Variants in NUCB2 observed in about 807,000 individuals in gnomAD.
The protein encoded by NUCB2 is nucleobindin-2.
In NUCB2, 48 loss-of-function variants were observed where a neutral mutation model predicts 57.9. The ratio of observed to expected loss-of-function variants is 0.83; its 90% CI spans 0.66 to 1.05. The LOEUF (loss-of-function observed/expected upper bound fraction) is 1.05. NUCB2 is among the 50% of genes least tolerant of loss of function. The pLI is 0.00. For synonymous variants in NUCB2, 139 were observed against 152.1 expected, an observed-to-expected ratio of 0.91 and a Z score of 0.64; for missense variants, 442 against 476.2, an observed-to-expected ratio of 0.93 and a Z score of 0.67.
At chr11:17,288,658 C>T (rs1165313867) in intron 2 of NUCB2, among the ~76,000 whole-genome samples, 1 of 148,206 alleles carries the variant, frequency 6.7e-6, no homozygotes, top group Non-Finnish European at 1.5e-5. Flanking sequence ...AGGTTCAAGC[C>T]ATTCTCCTGC....
intron 2 of NUCB2, among the ~76,000 whole-genome samples, chr11:17,290,458 CAGCACTTTG>C (rs1294097615): frequency 6.6e-6 from 1 of 152,042 alleles, no homozygotes; most frequent in Non-Finnish European, 1.5e-5. Flanking sequence ...CCTCTAATCC[CAGCACTTTG>C]GGAGGCTGAG....
chr11:17,342,160 A>G (rs1166419693), intron 2 of NUCB2, among the ~76,000 whole-genome samples: 1 of 152,054 alleles, frequency 6.6e-6, no homozygotes, highest in Non-Finnish European at 1.5e-5. Context: ...ATCGGTGATG[A>G]TATCCCCTTT....
At chr11:17,317,481 A>G (rs1658711710) in intron 11 of NUCB2, 2 of 301,634 alleles carry the variant, frequency 6.6e-6, no homozygotes, top group Admixed American at 3.6e-5. Context: ...CTCTTCTCCA[A>G]TCTCTAGACT....
In NUCB2 at chr11:17,330,093, T is replaced by G; in HGVS notation, c.1003-34T>G. 6.8e-6 allele frequency: 8 copies of G among 1,179,718 alleles called. No individual in the cohort carries two copies. The highest frequency in any genetic ancestry group is 1.5e-5 in the African/African-American group (1 of 66,954). 73.1% of individuals were successfully genotyped at this position (1,179,718 alleles called of 1,614,324 possible). On this transcript the variant is annotated intron_variant, in intron 11 of 13. Coordinates refer to ENST00000529010, the MANE Select transcript of NUCB2 (RefSeq NM_005013.4). This position sits in a 1 kb window ranked among gnomAD's most constrained non-coding sequence, Gnocchi z 4.3. ...AAATCAGACTTTATTGTTGTAGTTT[T>G]GAGATTATTCTTTCCTCATTTTTTT...
At chr11:17,346,480 A>G (rs994665840) in intron 2 of NUCB2, among the ~76,000 whole-genome samples, 5 of 145,962 alleles carry the variant, frequency 3.4e-5, no homozygotes, top group Non-Finnish European at 7.7e-5. Flanking sequence ...TTTAGATGTC[A>G]TTGAGAGCAT....
intron 2 of NUCB2, among the ~76,000 whole-genome samples, chr11:17,345,091 T>A (rs1952608822): frequency 6.6e-6 from 1 of 152,236 alleles, no homozygotes; most frequent in Non-Finnish European, 1.5e-5. Context: ...AATAGAAATA[T>A]CTTATTTTTG....
intron 2 of NUCB2, among the ~76,000 whole-genome samples, chr11:17,342,244 T>C (rs573748416): frequency 4.5e-4 from 68 of 152,354 alleles, no homozygotes; most frequent in African/African-American, 1.4e-3. Flanking sequence ...TCTACCAATT[T>C]TGTTGATCTT....
chr11:17,307,315 G>A lies in NUCB2; in HGVS notation c.380-2257G>A, dbSNP rs77754193. On this transcript the variant is annotated intron_variant, in intron 5 of 13. Coordinates refer to ENST00000529010, the MANE Select transcript of NUCB2 (RefSeq NM_005013.4). ...CCATCCTCCTTGGGTTTATCTATTT[G>A]TTTATTTTTAAGTTAAATAATTGAG... 8.5e-3 allele frequency among the ~76,000 whole-genome samples: 1,295 copies of A among 151,840 alleles called. 19 individuals are homozygous for A. Among genetic ancestry groups the A allele is most frequent in the Middle Eastern group, 0.024 (7 of 292 alleles).
Position 17,309,664 on chromosome 11 carries a change from C to G in NUCB2, c.472C>G (p.Leu158Val). The change falls in exon 6 of 14, where the codon CTA (leucine) becomes GTA (valine). Residue 158 changes from leucine (L) to valine (V), a missense_variant. Leu to Val is a conservative substitution (Grantham distance 32). Transcript: ENST00000529010. Reference protein sequence around the residue: ...DKFESTDLDMLIKAATSDLEH... With the variant: ...DKFESTDLDMVIKAATSDLEH... ...GTTTGAATCCACAGATTTAGATATG[C>G]TAATCAAAGCGGTGAGAATAATTCC... The G allele has an allele frequency of 6.3e-7, 1 of 1,587,588 alleles. No individual in the cohort carries two copies. The highest frequency in any genetic ancestry group is 1.9e-5 in the Admixed American group (1 of 53,592).
intron 5 of NUCB2, among the ~76,000 whole-genome samples, chr11:17,304,021 C>T (rs959080381): frequency 1.3e-5 from 2 of 151,720 alleles, no homozygotes; most frequent in African/African-American, 4.8e-5. Context: ...TTCTGTAACA[C>T]GATAAGCTAT....
intron 3 of NUCB2, 32 bp downstream of exon 3, chr11:17,295,499 A>C: frequency 6.8e-7 from 1 of 1,481,048 alleles, no homozygotes; most frequent in Non-Finnish European, 9.4e-7. Context: ...GGGAGGAATT[A>C]TAACTAAATG....
At chr11:17,318,417 CA>C (rs1288814157) in intron 11 of NUCB2, among the ~76,000 whole-genome samples, 1 of 151,964 alleles carries the variant, frequency 6.6e-6, no homozygotes, top group Non-Finnish European at 1.5e-5. Context: ...GGTATATAAA[CA>C]TTTTTTTAGG....
At chr11:17,308,365 A>G (rs1948003281) in intron 5 of NUCB2, among the ~76,000 whole-genome samples, 2 of 152,216 alleles carry the variant, frequency 1.3e-5, no homozygotes, top group African/African-American at 4.8e-5. Flanking sequence ...ATACACATAG[A>G]CACATATATA....
At chr11:17,320,523 GGT>G (rs2139201463) in intron 11 of NUCB2, among the ~76,000 whole-genome samples, 1 of 152,146 alleles carries the variant, frequency 6.6e-6, no homozygotes, top group South Asian at 2.1e-4. Context: ...CGGGAGTGGT[GGT>G]GCACTCCTGT....
intron 11 of NUCB2, among the ~76,000 whole-genome samples, chr11:17,315,791 T>C (rs182329163): frequency 1.2e-3 from 189 of 152,298 alleles, no homozygotes; most frequent in African/African-American, 4.4e-3. Context: ...TCACCTATAA[T>C]TTTACTAATC....
At chr11:17,314,730 A>C (rs570775907) in intron 10 of NUCB2, among the ~76,000 whole-genome samples, 1 of 152,140 alleles carries the variant, frequency 6.6e-6, no homozygotes, top group Non-Finnish European at 1.5e-5. Context: ...GAATCCCACT[A>C]TTTTGCTTCA....
chr11:17,344,316 C>T (rs1001168244), intron 2 of NUCB2, among the ~76,000 whole-genome samples: 1 of 152,192 alleles, frequency 6.6e-6, no homozygotes, highest in Non-Finnish European at 1.5e-5. Context: ...GAAGAAACAT[C>T]TTTGATACGG....
intron 11 of NUCB2, among the ~76,000 whole-genome samples, chr11:17,320,573 C>G (rs892169497): frequency 6.6e-6 from 1 of 152,148 alleles, no homozygotes; most frequent in Non-Finnish European, 1.5e-5. Flanking sequence ...AGGAGAATCA[C>G]TTGAACCTGG....
intron 8 of NUCB2, 85 bp from the exon 9 acceptor site, chr11:17,311,787 T>C (rs1948520832): frequency 1.1e-6 from 1 of 931,400 alleles, no homozygotes; most frequent in Non-Finnish European, 1.6e-6. Context: ...GTACTACTTT[T>C]GTAAACCCTT....
Sources: gnomAD v4.1 joint callset for allele counts (sites outside exome capture counted in the v4.1 genomes callset) on GRCh38, gnomAD v4.1.1 for gene constraint, Gnocchi (gnomAD v3.1) non-coding constraint, MANE v1.5 for transcripts, NCBI Gene and HGNC (gene_info 2026-07-23, HGNC 2026-07-21) for gene names.